Variants in ADIPOR1 observed in about 807,000 individuals in gnomAD.
ADIPOR1 encodes the protein adiponectin receptor 1, also known as adiponectin receptor protein 1.
Under a neutral mutation model 37.5 loss-of-function variants are expected in ADIPOR1, and 15 were observed. The observed-to-expected ratio is 0.40, with a 90% CI of 0.27 to 0.62. The LOEUF is 0.62. ADIPOR1 is among the 20% of genes least tolerant of loss of function. ADIPOR1 has a pLI of 0.42. For missense variants in ADIPOR1, 286 were observed against 478.0 expected (o/e 0.60, Z 3.75); for synonymous variants, 173 against 173.2 (o/e 1.00, Z 0.01).
intron 7 of ADIPOR1, 139 bp downstream of exon 7, chr1:202,941,886 T>C (rs1654104492): frequency 4.2e-6 from 5 of 1,180,804 alleles, no homozygotes; most frequent in Admixed American, 5.7e-5. Flanking sequence ...AATGTTAATA[T>C]TGATGATTTA....
chr1:202,941,477 G>A lies in ADIPOR1; in HGVS notation c.*96C>T, dbSNP rs186721055. On this transcript the variant is annotated 3_prime_UTR_variant, in exon 8 of 8. Coordinates refer to ENST00000340990, the MANE Select transcript of ADIPOR1 (RefSeq NM_015999.6). Reference sequence around the variant, plus strand: ...TGAATTCTCTAAGAGGTTTCTTCTAGAAACAGACAACTCAGACTCTTCCTC... The same window carrying A: ...TGAATTCTCTAAGAGGTTTCTTCTAAAAACAGACAACTCAGACTCTTCCTC... 1.8e-5 allele frequency: 27 copies of A among 1,461,488 alleles called. No homozygotes were observed. In the East Asian group the frequency reaches 5.4e-4, roughly 29 times the overall value. 90.5% of individuals were successfully genotyped at this position (1,461,488 alleles called of 1,614,324 possible). A position where few individuals can be genotyped will look rare whatever the true frequency, so the allele number is the denominator to read the frequency against.
In ADIPOR1 at chr1:202,945,633, G is replaced by A. The variant is rs189942174; in HGVS notation, c.431-464C>T. Among the ~76,000 whole-genome samples, 821 of 152,274 alleles carry A rather than the reference G, an allele frequency of 5.4e-3. 6 individuals carry two copies. The highest frequency in any genetic ancestry group is 0.019 in the African/African-American group (777 of 41,560). Reference sequence around the variant, plus strand: ...CCTAAGTGTCCATTGACCAATGAGTGAATAAAGGAAATGTGGTGTATGTAC... The same window carrying A: ...CCTAAGTGTCCATTGACCAATGAGTAAATAAAGGAAATGTGGTGTATGTAC... On this transcript the variant is annotated intron_variant, in intron 4 of 7. Coordinates refer to ENST00000340990, the MANE Select transcript of ADIPOR1 (RefSeq NM_015999.6).
chr1:202,941,351 G>C lies in ADIPOR1; in HGVS notation c.*222C>G, dbSNP rs1475018794. Reference sequence around the variant, plus strand: ...GCCGGTAGATGCCTTGCTGAGGAGGGGATGGCTAAGTTTGACCATGCCCCA... The same window carrying C: ...GCCGGTAGATGCCTTGCTGAGGAGGCGATGGCTAAGTTTGACCATGCCCCA... On this transcript the variant is annotated 3_prime_UTR_variant, in exon 8 of 8. Coordinates refer to ENST00000340990, the MANE Select transcript of ADIPOR1 (RefSeq NM_015999.6). 5.0e-6 allele frequency: 2 copies of C among 401,876 alleles called. No homozygotes were observed. Among genetic ancestry groups the C allele is most frequent in the Admixed American group, 8.7e-5 (2 of 23,032 alleles). The allele number at this position is 401,876 out of a possible 1,614,324, so 24.9% of individuals were successfully genotyped here. A position where few individuals can be genotyped will look rare whatever the true frequency, so the allele number is the denominator to read the frequency against.
At chr1:202,951,865 C>A (rs1053067180) in intron 1 of ADIPOR1, among the ~76,000 whole-genome samples, 2 of 152,188 alleles carry the variant, frequency 1.3e-5, no homozygotes, top group Non-Finnish European at 2.9e-5. Flanking sequence ...AAGGAGGCAG[C>A]CCCAATTTAC....
At chr1:202,953,528 T>C (rs1009762664) in intron 1 of ADIPOR1, among the ~76,000 whole-genome samples, 1 of 152,234 alleles carries the variant, frequency 6.6e-6, no homozygotes, top group African/African-American at 2.4e-5. Flanking sequence ...TGCCAGCATA[T>C]GACTTAGCTT....
At chr1:202,950,337 G>C (rs1165662909) in intron 2 of ADIPOR1, among the ~76,000 whole-genome samples, 1 of 151,982 alleles carries the variant, frequency 6.6e-6, no homozygotes, top group African/African-American at 2.4e-5. Flanking sequence ...ACTTTGGGAG[G>C]CTGAGGCAGG....
intron 4 of ADIPOR1, 46 bp from the exon 5 acceptor site, chr1:202,945,215 G>T: frequency 6.7e-7 from 1 of 1,494,522 alleles, no homozygotes; most frequent in South Asian, 1.3e-5. Flanking sequence ...AAAAGGGAAT[G>T]TGTACACTTT....
chr1:202,951,122 C>T lies in ADIPOR1; in HGVS notation c.-52G>A. 1.2e-6 allele frequency: 2 copies of T among 1,609,412 alleles called. No homozygotes were observed. Among genetic ancestry groups the T allele is most frequent in the Non-Finnish European group, 1.7e-6 (2 of 1,176,540 alleles). On this transcript the variant is annotated 5_prime_UTR_variant, in exon 2 of 8. Transcript: ENST00000340990. ...CTTCAGCTTGGGGAAAGGTTGGGGT[C>T]TCTCAGCCCCAGGGGGCAGAGATCT...
intron 1 of ADIPOR1, among the ~76,000 whole-genome samples, chr1:202,956,827 TA>T (rs1654803809): frequency 6.6e-6 from 1 of 152,222 alleles, no homozygotes; most frequent in African/African-American, 2.4e-5. Context: ...GTGTACTTTA[TA>T]AATCAGCAAT....
At chr1:202,945,272 T>A in intron 4 of ADIPOR1, 103 bp from the exon 5 acceptor site, 1 of 1,072,400 alleles carries the variant, frequency 9.3e-7, no homozygotes, top group Non-Finnish European at 1.3e-6. Flanking sequence ...ACATCACTAA[T>A]CATCAGGGAA....
intron 2 of ADIPOR1, among the ~76,000 whole-genome samples, chr1:202,949,436 C>T (rs1472913694): frequency 2.0e-5 from 3 of 151,696 alleles, no homozygotes; most frequent in Non-Finnish European, 2.9e-5. Flanking sequence ...AAAAATTAGC[C>T]GGGCGAGGTG....
chr1:202,950,358 G>C (rs1654521982), intron 2 of ADIPOR1, among the ~76,000 whole-genome samples: 1 of 152,024 alleles, frequency 6.6e-6, no homozygotes, highest in South Asian at 2.1e-4. Context: ...AGGATCACTT[G>C]AGCCTAGGAG....
intron 3 of ADIPOR1, 128 bp from the exon 4 acceptor site, chr1:202,946,738 C>T: frequency 1.2e-6 from 1 of 852,838 alleles, no homozygotes; most frequent in Middle Eastern, 3.5e-4. Flanking sequence ...TAGTGGAGAA[C>T]CAGCCTGGAC....
At chr1:202,946,909 G>A (rs1365295823) in intron 3 of ADIPOR1, among the ~76,000 whole-genome samples, 3 of 151,900 alleles carry the variant, frequency 2.0e-5, no homozygotes, top group Non-Finnish European at 4.4e-5. Context: ...GAGGTCAGGA[G>A]TTCAAGACCT....
chr1:202,956,144 A>G (rs879739541), intron 1 of ADIPOR1, among the ~76,000 whole-genome samples: 54 of 152,272 alleles, frequency 3.5e-4, no homozygotes, highest in Non-Finnish European at 6.8e-4. Context: ...AACAAAATCC[A>G]GGAGGTGACA....
In ADIPOR1 at chr1:202,942,052, G is replaced by C. The variant is rs1374321093; in HGVS notation, c.972C>G (p.Arg324=). The part of the protein sequence containing the change: ...AGLYAARIPE[R]FFPGKFDIWF... ...ATATGTCAAATTTTCCAGGAAAGAA[G>C]CGCTCAGGAATTCGAGCAGCATAAA... is the stretch of plus-strand genomic sequence containing the variant. The change falls in exon 7 of 8, where the codon CGC becomes CGG. Residue 324 remains arginine (R), a synonymous_variant. Transcript: ENST00000340990. 1.2e-6 allele frequency: 2 copies of C among 1,612,988 alleles called. No individual in the cohort carries two copies. Among genetic ancestry groups the C allele is most frequent in the African/African-American group, 2.7e-5 (2 of 74,858 alleles).
At chr1:202,950,041 C>T (rs1186376071) in intron 2 of ADIPOR1, among the ~76,000 whole-genome samples, 1 of 152,072 alleles carries the variant, frequency 6.6e-6, no homozygotes, top group Non-Finnish European at 1.5e-5. Flanking sequence ...CGGCTCACTG[C>T]AACCTCTGCC....
intron 1 of ADIPOR1, among the ~76,000 whole-genome samples, chr1:202,956,772 C>T (rs1156554130): frequency 6.6e-6 from 1 of 152,062 alleles, no homozygotes; most frequent in Non-Finnish European, 1.5e-5. Flanking sequence ...TAAAATGAGG[C>T]CAGACTTAAA....
intron 7 of ADIPOR1, 106 bp downstream of exon 7, chr1:202,941,919 C>T: frequency 1.6e-6 from 2 of 1,279,082 alleles, no homozygotes; most frequent in Non-Finnish European, 2.2e-6. Flanking sequence ...ATATATGTAC[C>T]TCCAAACACT....
Sources: allele counts gnomAD v4.1 joint callset (sites outside exome capture counted in the v4.1 genomes callset), GRCh38; gene constraint gnomAD v4.1.1; transcripts MANE v1.5; gene names NCBI Gene and HGNC (gene_info 2026-07-23, HGNC 2026-07-21).